The following RAB5A variants were observed in gnomAD, a reference collection of about 807,000 sequenced individuals.
RAB5A encodes ras-related protein Rab-5A.
Under a neutral mutation model 25.7 loss-of-function variants are expected in RAB5A, and 8 were observed. The observed-to-expected ratio is 0.31, with a 90% CI of 0.18 to 0.56. The LOEUF (loss-of-function observed/expected upper bound fraction) is 0.56. Among genes scored for constraint, RAB5A ranks in the 20% least tolerant of loss-of-function variants. The pLI is 0.91. For missense variants in RAB5A, 192 were observed against 259.7 expected, an observed-to-expected ratio of 0.74 and a Z score of 1.79; for synonymous variants, 98 against 89.8, an observed-to-expected ratio of 1.09 and a Z score of -0.52.
chr3:19,968,676 G>T (rs1011962777), intron 2 of RAB5A, among the ~76,000 whole-genome samples: 11 of 152,088 alleles, frequency 7.2e-5, no homozygotes, highest in African/African-American at 2.7e-4. Flanking sequence ...GGCCAGGCTG[G>T]TCTCAAACTC....
At chr3:19,980,199 G>GT (rs1696896630) in intron 5 of RAB5A, 1 of 152,154 alleles carries the variant, frequency 6.6e-6, no homozygotes, top group Non-Finnish European at 1.5e-5. Flanking sequence ...GAAACAATGA[G>GT]TTAATAGGCC....
At chr3:19,966,386 T>C (rs913018873) in intron 2 of RAB5A, among the ~76,000 whole-genome samples, 1 of 152,242 alleles carries the variant, frequency 6.6e-6, no homozygotes, top group Non-Finnish European at 1.5e-5. Flanking sequence ...CCTAAAACTT[T>C]TTAGGCTGGA....
intron 2 of RAB5A, among the ~76,000 whole-genome samples, chr3:19,975,079 A>C (rs1696803617): frequency 6.6e-6 from 1 of 152,178 alleles, no homozygotes; most frequent in East Asian, 1.9e-4. Flanking sequence ...TACAAAAATT[A>C]GCCACGTGTG....
chr3:19,975,945 T>G, intron 3 of RAB5A, 102 bp from the exon 4 acceptor site: 1 of 1,448,684 alleles, frequency 6.9e-7, no homozygotes, highest in Admixed American at 2.4e-5. Context: ...ATAATTTCTT[T>G]CCCACAGTCA....
chr3:19,984,395 C>A lies in RAB5A; in HGVS notation c.*572C>A. ...GGGTGGGGAAGAGTATTAATGGTAT[C>A]TTAATTATACCCAGTCTGGTTTTTT... On this transcript the variant is annotated 3_prime_UTR_variant, in exon 6 of 6. Transcript: ENST00000273047. The A allele has an allele frequency of 8.2e-6, 2 of 243,732 alleles. No homozygotes were observed. The highest frequency in any genetic ancestry group is 1.6e-5 in the Non-Finnish European group (2 of 121,286). The allele number at this position is 243,732 out of a possible 1,614,324, so 15.1% of individuals were successfully genotyped here. A position where few individuals can be genotyped will look rare whatever the true frequency, so the allele number is the denominator to read the frequency against.
At chr3:19,956,225 T>C (rs1382512973) in intron 2 of RAB5A, among the ~76,000 whole-genome samples, 3 of 152,072 alleles carry the variant, frequency 2.0e-5, no homozygotes, top group Non-Finnish European at 4.4e-5. Flanking sequence ...CCCAGCACTT[T>C]GGGAGGGTGC....
intron 2 of RAB5A, among the ~76,000 whole-genome samples, chr3:19,959,509 T>A (rs551252144): frequency 6.6e-6 from 1 of 152,104 alleles, no homozygotes; most frequent in South Asian, 2.1e-4. Context: ...TAGAAAGTGG[T>A]CTCAGTTACA....
chr3:19,970,179 C>T (rs1002124912), intron 2 of RAB5A, among the ~76,000 whole-genome samples: 18 of 152,188 alleles, frequency 1.2e-4, no homozygotes, highest in African/African-American at 2.9e-4. Context: ...GGATTACAGG[C>T]GTGAGCCACT....
At chr3:19,969,332 C>A (rs1696711388) in intron 2 of RAB5A, among the ~76,000 whole-genome samples, 1 of 152,096 alleles carries the variant, frequency 6.6e-6, no homozygotes, top group Non-Finnish European at 1.5e-5. Context: ...GCGTGAGCCA[C>A]CATGCCTGCT....
At chr3:19,978,548 T>G in intron 5 of RAB5A, 145 bp downstream of exon 5, 1 of 577,738 alleles carries the variant, frequency 1.7e-6, no homozygotes. Context: ...AGAGAGAGAT[T>G]ATACCACTTT....
rs1197124346 is a variant in RAB5A, at chr3:19,975,770, C to T, written c.315+18C>T. 4 of 1,586,586 alleles carry T rather than the reference C, an allele frequency of 2.5e-6. No individual in the cohort carries two copies. Among genetic ancestry groups the T allele is most frequent in the African/African-American group, 1.4e-5 (1 of 73,894 alleles). On this transcript the variant is annotated intron_variant, in intron 3 of 5. Coordinates refer to ENST00000273047, the MANE Select transcript of RAB5A (RefSeq NM_004162.5). The stretch of plus-strand genomic sequence containing the variant: ...CAAATGAGGTAAGTATGGATGCATT[C>T]CACAGTAAAACTAATTTGAGTACCC...
At chr3:19,971,356 A>AT (rs1275344243) in intron 2 of RAB5A, among the ~76,000 whole-genome samples, 1 of 151,806 alleles carries the variant, frequency 6.6e-6, no homozygotes, top group African/African-American at 2.4e-5. Flanking sequence ...AGCACTTTTC[A>AT]TTTTTTAAAG....
chr3:19,948,224 CTTG>C, intron 1 of RAB5A, among the ~76,000 whole-genome samples: 1 of 152,360 alleles, frequency 6.6e-6, no homozygotes, highest in Non-Finnish European at 1.5e-5. Context: ...GACTTTCAAA[CTTG>C]TTAAGTTCTG....
chr3:19,960,347 C>G (rs2125183013), intron 2 of RAB5A, among the ~76,000 whole-genome samples: 1 of 152,194 alleles, frequency 6.6e-6, no homozygotes, highest in South Asian at 2.1e-4. Flanking sequence ...CTGTGCTAGA[C>G]TGGAGTGCAG....
At chr3:19,974,657 C>T (rs538062307) in intron 2 of RAB5A, among the ~76,000 whole-genome samples, 107 of 150,826 alleles carry the variant, frequency 7.1e-4, no homozygotes, top group Non-Finnish European at 9.7e-4. Context: ...CGGTGGCTCA[C>T]GCCTATAATC....
intron 2 of RAB5A, among the ~76,000 whole-genome samples, chr3:19,952,388 A>T (rs776250738): frequency 4.1e-4 from 62 of 152,226 alleles, no homozygotes; most frequent in Non-Finnish European, 6.9e-4. Flanking sequence ...TATATATTTT[A>T]ACCCCATCCT....
chr3:19,973,479 C>A (rs936045618), intron 2 of RAB5A, among the ~76,000 whole-genome samples: 5 of 149,656 alleles, frequency 3.3e-5, no homozygotes, highest in African/African-American at 1.2e-4. Context: ...AGAGTACTGT[C>A]TTAGGGACTT....
chr3:19,980,171 A>G (rs1696895855), intron 5 of RAB5A: 1 of 152,194 alleles, frequency 6.6e-6, no homozygotes, highest in African/African-American at 2.4e-5. Flanking sequence ...ACCCAGAATC[A>G]CATCTGAAAA....
chr3:19,965,264 T>C (rs946914957), intron 2 of RAB5A, among the ~76,000 whole-genome samples: 65 of 152,070 alleles, frequency 4.3e-4, no homozygotes, highest in African/African-American at 1.5e-3. Context: ...ATGTTAGAAA[T>C]ACCTAGTGTT....
Sources: gnomAD v4.1 joint callset for allele counts (sites outside exome capture counted in the v4.1 genomes callset) on GRCh38, gnomAD v4.1.1 for gene constraint, MANE v1.5 for transcripts, NCBI Gene and HGNC (gene_info 2026-07-23, HGNC 2026-07-21) for gene names.